STOX1: variants seen among roughly 807,000 people sequenced by gnomAD.
STOX1 encodes the protein storkhead-box protein 1.
Under a neutral mutation model 74.8 loss-of-function variants are expected in STOX1, and 57 were observed. That is an observed-to-expected ratio of 0.76 (90% confidence interval 0.62 to 0.95). The LOEUF (loss-of-function observed/expected upper bound fraction) is 0.95. STOX1 is among the 40% of genes least tolerant of loss of function. STOX1 has a pLI of 0.00. For missense variants in STOX1, 1,010 were observed against 1,117.0 expected (o/e 0.90, Z 1.37); for synonymous variants, 375 against 401.3 (o/e 0.93, Z 0.78).
At position 68,838,896 on chromosome 10, in the gene STOX1, C is replaced by T. The variant is rs185071608; in HGVS notation, c.310+10963C>T. On this transcript the variant is annotated intron_variant, in intron 1 of 3. Coordinates refer to ENST00000298596, the MANE Select transcript of STOX1 (RefSeq NM_152709.5). Reference sequence around the variant, plus strand: ...CTGCACTCCAGCCTGGGCAACAGAGCGAGACTCTGTCTCAAAAAAAAAAAA... The same window carrying T: ...CTGCACTCCAGCCTGGGCAACAGAGTGAGACTCTGTCTCAAAAAAAAAAAA... Among the ~76,000 whole-genome samples, 87 of 143,646 alleles carry T rather than the reference C, an allele frequency of 6.1e-4. 3 individuals carry two copies. In the East Asian group the frequency reaches 0.017, roughly 28 times the overall value. 94.2% of individuals were successfully genotyped at this position (143,646 alleles called of 152,430 possible).
Position 68,892,711 on chromosome 10 carries a change from C to T in STOX1, c.2945C>T (p.Pro982Leu), listed in dbSNP as rs139412198. Residue 982 changes from proline to leucine, a missense_variant, in exon 4 of 4, where the codon CCG becomes CTG. Transcript: ENST00000298596. ...SQPLTSNSLL[P>L]LTPVINV ...CCACTCACATCTAATTCCTTACTAC[C>T]GCTAACTCCAGTCATAAACGTTTAA... 581 of 1,613,880 alleles carry T rather than the reference C, an allele frequency of 3.6e-4. 7 individuals carry two copies. Among genetic ancestry groups the T allele is most frequent in the Middle Eastern group, 3.3e-3 (20 of 6,058 alleles).
chr10:68,847,237 T>C (rs1708037587), intron 1 of STOX1, among the ~76,000 whole-genome samples: 1 of 152,112 alleles, frequency 6.6e-6, no homozygotes, highest in Non-Finnish European at 1.5e-5. Flanking sequence ...TGAGGAGAAT[T>C]AGAACATCTG....
rs538649877 is a variant in STOX1, at chr10:68,876,066, CT to C, written c.311-5881del. Among the ~76,000 whole-genome samples the C allele has an allele frequency of 1.3e-3, 181 of 140,116 alleles. No individual in the cohort carries two copies. The East Asian group carries it at 0.016, about 12-fold the overall frequency. The allele number at this position is 140,116 out of a possible 152,430, so 91.9% of individuals were successfully genotyped here. A position where few individuals can be genotyped will look rare whatever the true frequency, so the allele number is the denominator to read the frequency against. ...ACTTTGCTTTTATCATTACTTTTGA[CT>C]TTTTTTTTTTGTGGCGGTGAGGAGT... On this transcript the variant is annotated intron_variant, in intron 1 of 3. Coordinates refer to ENST00000298596, the MANE Select transcript of STOX1 (RefSeq NM_152709.5).
At chr10:68,842,540 T>C (rs946405612) in intron 1 of STOX1, among the ~76,000 whole-genome samples, 2 of 138,954 alleles carry the variant, frequency 1.4e-5, no homozygotes, top group East Asian at 2.1e-4. Context: ...CCATTTCTTT[T>C]TTTTTTTTTT....
chr10:68,876,163 A>C (rs1306332054), intron 1 of STOX1, among the ~76,000 whole-genome samples: 1 of 136,392 alleles, frequency 7.3e-6, no homozygotes, highest in African/African-American at 2.7e-5. Context: ...TATATTCTGA[A>C]TATGTATATT....
intron 1 of STOX1, among the ~76,000 whole-genome samples, chr10:68,874,793 C>G (rs749011056): frequency 1.3e-5 from 2 of 152,142 alleles, no homozygotes; most frequent in African/African-American, 2.4e-5. Flanking sequence ...CTGTAAGAAG[C>G]CTTGATGTAG....
At chr10:68,848,308 C>T (rs1340431907) in intron 1 of STOX1, among the ~76,000 whole-genome samples, 1 of 152,208 alleles carries the variant, frequency 6.6e-6, no homozygotes, top group East Asian at 1.9e-4. Context: ...TAATTCCACC[C>T]AGACCTCAGC....
rs944866324 is a variant in STOX1, at chr10:68,862,133, C to T, written c.311-19825C>T. On this transcript the variant is annotated intron_variant, in intron 1 of 3. Coordinates refer to ENST00000298596, the MANE Select transcript of STOX1 (RefSeq NM_152709.5). ...CTGCTGTCTGCACTGATGAATGTAG[C>T]GCAACTCCAGCTGCTGCACCAGTAG... 1.6e-4 allele frequency among the ~76,000 whole-genome samples: 25 copies of T among 152,104 alleles called. 1 individual carries two copies. The highest frequency in any genetic ancestry group is 3.9e-4 in the East Asian group (2 of 5,186).
At chr10:68,857,876 T>G (rs1327133426) in intron 1 of STOX1, among the ~76,000 whole-genome samples, 1 of 151,948 alleles carries the variant, frequency 6.6e-6, no homozygotes, top group Non-Finnish European at 1.5e-5. Flanking sequence ...TGAGAAAGCC[T>G]GGTAGGAGCA....
At chr10:68,868,682 C>T (rs1414735895) in intron 1 of STOX1, among the ~76,000 whole-genome samples, 4 of 152,072 alleles carry the variant, frequency 2.6e-5, no homozygotes, top group African/African-American at 2.4e-5. Flanking sequence ...AACTCCATCT[C>T]AAAAAAAGAA....
chr10:68,885,849 G>A lies in STOX1; in HGVS notation c.2053G>A (p.Ala685Thr), dbSNP rs569318123. Residue 685 changes from alanine (A) to threonine (T), a missense_variant, in exon 3 of 4, where the codon GCA becomes ACA. Physicochemically the swap from Ala to Thr is moderately conservative, Grantham distance 58. Transcript: ENST00000298596. ...PVGVNPLRQA[A>T]RQDKDSEELL... ...TGGCGTGAACCCTTTAAGACAAGCT[G>A]CAAGACAAGACAAAGACTCAGAAGA... 6.2e-7 allele frequency: 1 copy of A among 1,614,052 alleles called. No individual in the cohort carries two copies.
chr10:68,872,342 C>CTTT (rs72451894), intron 1 of STOX1, among the ~76,000 whole-genome samples: 2,813 of 89,164 alleles, frequency 0.032, 79 homozygotes, highest in African/African-American at 0.08. Context: ...TTTTTCTTTT[C>CTTT]TTTTTTTTTT....
chr10:68,841,274 T>C (rs938629690), intron 1 of STOX1, among the ~76,000 whole-genome samples: 1 of 152,168 alleles, frequency 6.6e-6, no homozygotes, highest in Non-Finnish European at 1.5e-5. Flanking sequence ...TATATTACTT[T>C]TAGTACCTTT....
chr10:68,862,582 T>G (rs1186345363), intron 1 of STOX1, among the ~76,000 whole-genome samples: 1 of 152,130 alleles, frequency 6.6e-6, no homozygotes, highest in Admixed American at 6.5e-5. Flanking sequence ...CCACAAATCC[T>G]TGTTTAGCTC....
At chr10:68,841,121 A>G (rs1011623922) in intron 1 of STOX1, among the ~76,000 whole-genome samples, 3 of 151,172 alleles carry the variant, frequency 2.0e-5, no homozygotes, top group African/African-American at 7.3e-5. Flanking sequence ...TCATTTTTGT[A>G]TTTTTAGTAG....
At chr10:68,883,249 G>A (rs1397422638) in intron 2 of STOX1, among the ~76,000 whole-genome samples, 3 of 151,626 alleles carry the variant, frequency 2.0e-5, no homozygotes, top group Admixed American at 2.0e-4. Flanking sequence ...AATTAGGCAC[G>A]GTGGCAGGTG....
intron 1 of STOX1, among the ~76,000 whole-genome samples, chr10:68,870,338 A>G (rs920342061): frequency 6.6e-6 from 1 of 152,162 alleles, no homozygotes; most frequent in Admixed American, 6.5e-5. Flanking sequence ...TGGAGGTCAA[A>G]AAAAGGATGT....
At chr10:68,838,957 C>G (rs1839627704) in intron 1 of STOX1, among the ~76,000 whole-genome samples, 1 of 150,994 alleles carries the variant, frequency 6.6e-6, no homozygotes, top group Non-Finnish European at 1.5e-5. Context: ...GTGTCTTCTT[C>G]CCAGTCTTAG....
Position 68,885,442 on chromosome 10 carries a change from A to G in STOX1, c.1646A>G (p.Glu549Gly). The G allele has an allele frequency of 6.2e-7, 1 of 1,614,204 alleles. No homozygotes were observed. ...AGAATCTTTGATGGTAAAGCCAAAG[A>G]GCCATATGCTGAACAACCTAATGAT... The part of the protein sequence containing the change: ...SSRIFDGKAK[E>G]PYAEQPNDKM... Residue 549 changes from glutamate (E) to glycine (G), a missense_variant, in exon 3 of 4, where the codon GAG (glutamate) becomes GGG (glycine). Transcript: ENST00000298596.
Sources: allele counts gnomAD v4.1 joint callset (sites outside exome capture counted in the v4.1 genomes callset), GRCh38; gene constraint gnomAD v4.1.1; transcripts MANE v1.5; gene names NCBI Gene and HGNC (gene_info 2026-07-23, HGNC 2026-07-21).